The following GABRG3 variants were observed in gnomAD, a reference collection of about 807,000 sequenced individuals.
GABRG3 encodes the protein gamma-aminobutyric acid receptor subunit gamma-3.
Under a neutral mutation model 48.8 loss-of-function variants are expected in GABRG3, and 25 were observed. The ratio of observed to expected loss-of-function variants is 0.51; its 90% CI spans 0.37 to 0.72. The LOEUF is 0.72. Ranked by LOEUF, GABRG3 falls within the 30% of genes least tolerant of loss-of-function variation. GABRG3 has a pLI of 0.00. For synonymous variants in GABRG3, 227 were observed against 217.6 expected (o/e 1.04, Z -0.38); for missense variants, 394 against 577.9 (o/e 0.68, Z 3.26).
intron 5 of GABRG3, 115 bp from the exon 6 acceptor site, chr15:27,480,535 T>G: frequency 1.0e-6 from 1 of 970,050 alleles, no homozygotes. Flanking sequence ...AGTGCACATA[T>G]GGCCTAAAAG....
At chr15:27,367,050 C>T (rs1379628653) in intron 5 of GABRG3, among the ~76,000 whole-genome samples, 1 of 152,164 alleles carries the variant, frequency 6.6e-6, no homozygotes, top group Non-Finnish European at 1.5e-5. Flanking sequence ...CAGTGTGTCC[C>T]TTCCACCTAT....
intron 3 of GABRG3, among the ~76,000 whole-genome samples, chr15:27,199,749 T>C (rs1215141067): frequency 1.3e-5 from 2 of 152,200 alleles, no homozygotes; most frequent in Non-Finnish European, 2.9e-5. Context: ...ATAAACCAAA[T>C]AAACCTTTTC....
At chr15:27,423,242 T>TA (rs58007397) in intron 5 of GABRG3, among the ~76,000 whole-genome samples, 7,213 of 74,608 alleles carry the variant, frequency 0.097, 400 homozygotes, top group African/African-American at 0.18. Context: ...GTCATTATGA[T>TA]AAAAAAAAAA....
intron 3 of GABRG3, among the ~76,000 whole-genome samples, chr15:27,028,092 C>G (rs774226743): frequency 6.6e-6 from 1 of 152,124 alleles, no homozygotes; most frequent in Admixed American, 6.5e-5. Flanking sequence ...TCGTGTTAGG[C>G]TTTGTTATTG....
At chr15:27,336,541 A>G (rs1321582123) in intron 5 of GABRG3, among the ~76,000 whole-genome samples, 2 of 152,236 alleles carry the variant, frequency 1.3e-5, no homozygotes, top group African/African-American at 4.8e-5. Context: ...AATCCTGGCA[A>G]GGATGTGGAA....
At chr15:27,399,439 A>G (rs1887415302) in intron 5 of GABRG3, among the ~76,000 whole-genome samples, 1 of 152,226 alleles carries the variant, frequency 6.6e-6, no homozygotes, top group Non-Finnish European at 1.5e-5. Context: ...TCAGTATTCA[A>G]GTGCCTTATT....
At chr15:27,053,393 A>C (rs763139801) in intron 3 of GABRG3, among the ~76,000 whole-genome samples, 3 of 152,228 alleles carry the variant, frequency 2.0e-5, no homozygotes, top group African/African-American at 7.2e-5. Context: ...AATCCTCAAC[A>C]TCACTAACCG....
chr15:27,342,825 C>G (rs568086603), intron 5 of GABRG3, among the ~76,000 whole-genome samples: 1 of 152,190 alleles, frequency 6.6e-6, no homozygotes, highest in East Asian at 1.9e-4. Context: ...GGCTCCTGGA[C>G]GCAGAGCGTT....
chr15:27,271,700 C>T (rs1176091580), intron 3 of GABRG3: 31 of 447,088 alleles, frequency 6.9e-5, no homozygotes, highest in Non-Finnish European at 1.3e-4. Context: ...TGGTGGCTGG[C>T]ACAGCGCCAG....
intron 3 of GABRG3, among the ~76,000 whole-genome samples, chr15:27,131,078 A>G (rs1372590557): frequency 1.3e-5 from 2 of 152,080 alleles, no homozygotes; most frequent in Non-Finnish European, 2.9e-5. Flanking sequence ...ACTACATTCA[A>G]TAGAAGTGGT....
At chr15:27,241,870 A>T (rs1201674044) in intron 3 of GABRG3, among the ~76,000 whole-genome samples, 1 of 152,246 alleles carries the variant, frequency 6.6e-6, no homozygotes, top group Non-Finnish European at 1.5e-5. Flanking sequence ...GACAAGAGTT[A>T]AAACTAGATT....
At chr15:27,307,870 A>T (rs562395538) in intron 3 of GABRG3, among the ~76,000 whole-genome samples, 3 of 135,032 alleles carry the variant, frequency 2.2e-5, no homozygotes, top group African/African-American at 8.1e-5. Context: ...AATATATATA[A>T]ATGTATATGT....
rs566160174 is a variant in GABRG3 at position 27,436,808 on chromosome 15, CAG to C, written c.575-43838_575-43837del. On this transcript the variant is annotated intron_variant, in intron 5 of 9. Coordinates refer to ENST00000615808, the MANE Select transcript of GABRG3 (RefSeq NM_033223.5). The stretch of plus-strand genomic sequence containing the variant: ...AGTGCAAGGGATGGCAAGAAAAGAA[CAG>C]AGAACATTCAGAGGGTTGGGAGAAA... Among the ~76,000 whole-genome samples, 395 of 152,124 alleles carry C rather than the reference CAG, an allele frequency of 2.6e-3. 3 individuals carry two copies. Among genetic ancestry groups the C allele is most frequent in the Non-Finnish European group, 4.2e-3 (287 of 68,008 alleles).
chr15:27,213,781 T>G (rs1280268423), intron 3 of GABRG3, among the ~76,000 whole-genome samples: 1 of 152,234 alleles, frequency 6.6e-6, no homozygotes, highest in Non-Finnish European at 1.5e-5. Context: ...AACCATGTAA[T>G]GTTTCACCAC....
At chr15:27,188,880 A>T (rs1404786417) in intron 3 of GABRG3, among the ~76,000 whole-genome samples, 1 of 150,478 alleles carries the variant, frequency 6.6e-6, no homozygotes, top group Non-Finnish European at 1.5e-5. Context: ...TTAAGTCTTT[A>T]ATCCATCTTG....
intron 3 of GABRG3, among the ~76,000 whole-genome samples, chr15:27,270,576 A>G (rs557700544): frequency 6.6e-6 from 1 of 152,332 alleles, no homozygotes; most frequent in African/African-American, 2.4e-5. Context: ...CGTGGTTATC[A>G]GAGGCTAGGG....
intron 3 of GABRG3, among the ~76,000 whole-genome samples, chr15:27,063,100 A>G (rs984339044): frequency 6.6e-6 from 1 of 152,192 alleles, no homozygotes; most frequent in Admixed American, 6.5e-5. Context: ...TGAAATGTGT[A>G]GTTTTAATTA....
Position 26,976,121 on chromosome 15 carries a change from CAA to C in GABRG3, c.54-869_54-868del, listed in dbSNP as rs57826540. 3.1e-4 allele frequency among the ~76,000 whole-genome samples: 43 copies of C among 140,902 alleles called. No homozygotes were observed. Among genetic ancestry groups the C allele is most frequent in the South Asian group, 1.1e-3 (5 of 4,426 alleles). The allele number at this position is 140,902 out of a possible 152,430, so 92.4% of individuals were successfully genotyped here. A position where few individuals can be genotyped will look rare whatever the true frequency, so the allele number is the denominator to read the frequency against. On this transcript the variant is annotated intron_variant, in intron 1 of 9. Coordinates refer to ENST00000615808, the MANE Select transcript of GABRG3 (RefSeq NM_033223.5). This position sits in a 1 kb window ranked among gnomAD's most constrained non-coding sequence, Gnocchi z 7.8. ...TTTAAAAAACCCAAAACTGCAGAAC[CAA>C]AAAAAAAAAAAGGGAAAACTAGCCG...
chr15:27,056,594 G>A (rs1896552277), intron 3 of GABRG3, among the ~76,000 whole-genome samples: 1 of 152,044 alleles, frequency 6.6e-6, no homozygotes. Context: ...GGTGTGTGGA[G>A]AGCGTTTGTG....
Sources: gnomAD v4.1 joint callset for allele counts (sites outside exome capture counted in the v4.1 genomes callset) on GRCh38, gnomAD v4.1.1 for gene constraint, Gnocchi (gnomAD v3.1) non-coding constraint, MANE v1.5 for transcripts, NCBI Gene and HGNC (gene_info 2026-07-23, HGNC 2026-07-21) for gene names.